Variants in DOP1A observed in about 807,000 individuals in gnomAD.
The protein encoded by DOP1A is protein DOP1A.
In DOP1A, 90 loss-of-function variants were observed where a neutral mutation model predicts 267.6. The observed-to-expected ratio is 0.34, with a 90% CI of 0.28 to 0.40. The LOEUF (loss-of-function observed/expected upper bound fraction) is 0.40, where lower values mean the gene tolerates loss of function less well. Among genes scored for constraint, DOP1A ranks in the 10% least tolerant of loss-of-function variants. The probability of loss-of-function intolerance (pLI) is 1.00; values close to 1 mark genes in which losing one functional copy is unlikely to be tolerated. For missense variants in DOP1A, 2,437 were observed against 2,900.4 expected, an observed-to-expected ratio of 0.84 and a Z score of 3.67; for synonymous variants, 932 against 999.1, an observed-to-expected ratio of 0.93 and a Z score of 1.27.
intron 9 of DOP1A, 65 bp from the exon 10 acceptor site, chr6:83,120,618 T>C: frequency 2.2e-6 from 3 of 1,343,406 alleles, no homozygotes; most frequent in Non-Finnish European, 3.0e-6. Flanking sequence ...AAAAATACTT[T>C]TTCTTAAGGA....
chr6:83,076,513 GAAA>G (rs1180338167), intron 1 of DOP1A, among the ~76,000 whole-genome samples: 1 of 147,334 alleles, frequency 6.8e-6, no homozygotes, highest in South Asian at 2.1e-4. Context: ...CATCTCAAAA[GAAA>G]AAAAAATGTT....
At chr6:83,136,616 T>A (rs1024345745) in intron 20 of DOP1A, among the ~76,000 whole-genome samples, 4 of 152,116 alleles carry the variant, frequency 2.6e-5, no homozygotes, top group African/African-American at 9.7e-5. Context: ...CTACTTCATC[T>A]CTAGTGTGTT....
At chr6:83,083,933 A>C (rs2128048888) in intron 1 of DOP1A, among the ~76,000 whole-genome samples, 2 of 152,338 alleles carry the variant, frequency 1.3e-5, no homozygotes, top group South Asian at 4.1e-4. Context: ...GAAATGAGAA[A>C]GAATCTGATT....
rs771251856 is a variant in DOP1A at position 83,130,284 on chromosome 6, G to A, written c.2503G>A (p.Val835Ile). The stretch of plus-strand genomic sequence containing the variant: ...GGTCACTGGGGAAAACATCAACAGT[G>A]TAGAGCCTGCACAACCCTTAAGTCC... ...AMVTGENINS[V>I]EPAQPLSPNQ... The change falls in exon 17 of 39, where the codon GTA (valine) becomes ATA (isoleucine). Residue 835 changes from valine (V) to isoleucine (I), a missense_variant. By Grantham distance (29) the Val-to-Ile change is conservative. Around this residue, in one of 9 missense-constraint regions of DOP1A, gnomAD observed 878 missense variants for 992.9 expected, o/e 0.88. Coordinates refer to ENST00000349129, the MANE Select transcript of DOP1A (RefSeq NM_015018.4). 61 of 1,613,922 alleles carry A rather than the reference G, an allele frequency of 3.8e-5. No homozygotes were observed. In the South Asian group the frequency reaches 6.3e-4, roughly 17 times the overall value.
At chr6:83,080,074 T>A (rs970219842) in intron 1 of DOP1A, among the ~76,000 whole-genome samples, 1 of 151,480 alleles carries the variant, frequency 6.6e-6, no homozygotes, top group African/African-American at 2.4e-5. Context: ...AGATGTTCTT[T>A]AAGTGTACTA....
At chr6:83,161,439 GTAAC>G (rs1415111736) in intron 37 of DOP1A, among the ~76,000 whole-genome samples, 7 of 152,096 alleles carry the variant, frequency 4.6e-5, no homozygotes, top group African/African-American at 1.7e-4. Flanking sequence ...AAGTATCCAT[GTAAC>G]TAAAAGGTAC....
chr6:83,103,377 G>GT (rs1335144686), intron 4 of DOP1A, among the ~76,000 whole-genome samples: 1 of 152,074 alleles, frequency 6.6e-6, no homozygotes, highest in African/African-American at 2.4e-5. Context: ...TACACTTTGG[G>GT]TACAGTGTAC....
intron 1 of DOP1A, among the ~76,000 whole-genome samples, chr6:83,076,859 A>G (rs1019387904): frequency 6.6e-6 from 1 of 152,250 alleles, no homozygotes; most frequent in East Asian, 1.9e-4. Context: ...CAAGAGGTAG[A>G]AACAACCTAT....
intron 8 of DOP1A, 150 bp downstream of exon 8, chr6:83,119,137 G>GC: frequency 3.2e-6 from 2 of 630,112 alleles, no homozygotes; most frequent in Admixed American, 2.9e-5. Flanking sequence ...AGTATTAGTT[G>GC]TGTATTGTAT....
chr6:83,071,842 C>T (rs1785662483), intron 1 of DOP1A, among the ~76,000 whole-genome samples: 1 of 152,042 alleles, frequency 6.6e-6, no homozygotes, highest in African/African-American at 2.4e-5. Context: ...TTAAGATAAA[C>T]ATTTGAATCT....
At chr6:83,069,022 A>G (rs896549662) in intron 1 of DOP1A, among the ~76,000 whole-genome samples, 3 of 152,220 alleles carry the variant, frequency 2.0e-5, no homozygotes, top group Non-Finnish European at 4.4e-5. Context: ...TCTTAAATGT[A>G]AGGTAAGTGT....
chr6:83,129,282 A>G lies in DOP1A; in HGVS notation c.2115A>G (p.Thr705=), dbSNP rs747655686. Residue 705 remains threonine, a synonymous_variant, in exon 16 of 39, where the codon ACA becomes ACG. Transcript: ENST00000349129. Reference sequence around the variant, plus strand: ...ACTCTTTTTCTCAGTCTTTGGCTACAGAACATCAAGGGGATCTTGGTCGAG... The same window carrying G: ...ACTCTTTTTCTCAGTCTTTGGCTACGGAACATCAAGGGGATCTTGGTCGAG... ...QNNSFSQSLA[T]EHQGDLGREQ... 1.9e-6 allele frequency: 3 copies of G among 1,610,532 alleles called. No individual in the cohort carries two copies. The highest frequency in any genetic ancestry group is 8.5e-7 in the Non-Finnish European group (1 of 1,178,706).
At chr6:83,079,852 A>G (rs1381925313) in intron 1 of DOP1A, among the ~76,000 whole-genome samples, 1 of 152,106 alleles carries the variant, frequency 6.6e-6, no homozygotes, top group Non-Finnish European at 1.5e-5. Flanking sequence ...GTTTCAAATA[A>G]GCTGGAAAGA....
intron 4 of DOP1A, among the ~76,000 whole-genome samples, chr6:83,101,967 G>C (rs1319361302): frequency 6.6e-6 from 1 of 152,052 alleles, no homozygotes; most frequent in Non-Finnish European, 1.5e-5. Flanking sequence ...CTCTAGATTT[G>C]TTCATCTGAC....
intron 13 of DOP1A, 36 bp downstream of exon 13, chr6:83,124,855 C>A: frequency 1.3e-6 from 2 of 1,488,576 alleles, no homozygotes; most frequent in South Asian, 1.2e-5. Context: ...TCAAGGAAAT[C>A]GAATAACGTA....
At chr6:83,094,062 C>A (rs1201300450) in intron 1 of DOP1A, among the ~76,000 whole-genome samples, 2 of 152,168 alleles carry the variant, frequency 1.3e-5, no homozygotes, top group Non-Finnish European at 2.9e-5. Flanking sequence ...CCATTTCCCA[C>A]CAATTCCTCT....
intron 1 of DOP1A, among the ~76,000 whole-genome samples, chr6:83,069,223 T>C (rs1278296097): frequency 1.3e-5 from 2 of 152,322 alleles, no homozygotes; most frequent in East Asian, 3.9e-4. Flanking sequence ...TCCAAACTGA[T>C]GTTTCCCCCA....
At chr6:83,167,741 G>A in intron 38 of DOP1A, 121 bp from the exon 39 acceptor site, 2 of 1,447,618 alleles carry the variant, frequency 1.4e-6, no homozygotes, top group Non-Finnish European at 9.1e-7. Context: ...TCAGGAGTTA[G>A]AAACTTAATG....
intron 12 of DOP1A, 147 bp downstream of exon 12, chr6:83,123,129 C>T (rs1776615629): frequency 4.5e-6 from 4 of 893,062 alleles, no homozygotes; most frequent in Middle Eastern, 3.6e-4. Flanking sequence ...CTGACTCTAC[C>T]TTGTCACATA....
Sources: gnomAD v4.1 joint callset for allele counts (sites outside exome capture counted in the v4.1 genomes callset) on GRCh38, gnomAD v4.1.1 for gene constraint, gnomAD v4.1.1 regional missense constraint, MANE v1.5 for transcripts, NCBI Gene and HGNC (gene_info 2026-07-23, HGNC 2026-07-21) for gene names.